The following VEPH1 variants were observed in gnomAD, a reference collection of about 807,000 sequenced individuals.
The protein encoded by VEPH1 is ventricular zone expressed PH domain containing 1.
A neutral mutation model predicts 85.2 loss-of-function variants in VEPH1; 80 were observed. That is an observed-to-expected ratio of 0.94 (90% CI 0.78 to 1.13). The LOEUF (loss-of-function observed/expected upper bound fraction) is 1.13, where lower values mean the gene tolerates loss of function less well. Ranked by LOEUF, VEPH1 falls within the 50% of genes most tolerant of loss-of-function variation. The pLI is 0.00. For missense variants in VEPH1, 955 were observed against 980.5 expected (o/e 0.97, Z 0.35); for synonymous variants, 297 against 348.0 (o/e 0.85, Z 1.63).
chr3:157,336,059 T>A (rs1722937367), intron 9 of VEPH1, among the ~76,000 whole-genome samples: 1 of 152,182 alleles, frequency 6.6e-6, no homozygotes. Flanking sequence ...CTTCCTTACA[T>A]GATAGCTCCT....
At chr3:157,492,447 A>G (rs1368330529) in intron 2 of VEPH1, among the ~76,000 whole-genome samples, 1 of 152,144 alleles carries the variant, frequency 6.6e-6, no homozygotes, top group African/African-American at 2.4e-5. Flanking sequence ...CTGACAGTTG[A>G]TGGCTACAAC....
At chr3:157,367,660 T>C (rs1032442826) in intron 7 of VEPH1, among the ~76,000 whole-genome samples, 1 of 152,196 alleles carries the variant, frequency 6.6e-6, no homozygotes. Flanking sequence ...GAGCATTATA[T>C]AAATGTTTTA....
At chr3:157,422,551 G>A (rs1336025871) in intron 5 of VEPH1, among the ~76,000 whole-genome samples, 1 of 152,132 alleles carries the variant, frequency 6.6e-6, no homozygotes, top group East Asian at 1.9e-4. Context: ...AGTGGAAGTG[G>A]AAGCTGCCCA....
At chr3:157,298,877 C>G (rs970767672) in intron 11 of VEPH1, among the ~76,000 whole-genome samples, 2 of 152,112 alleles carry the variant, frequency 1.3e-5, no homozygotes, top group African/African-American at 4.8e-5. Flanking sequence ...AACATTTTTC[C>G]AATCCACATG....
In VEPH1 at chr3:157,286,678, T is replaced by C; in HGVS notation, c.2011-4A>G. 6.2e-7 allele frequency: 1 copy of C among 1,611,802 alleles called. No homozygotes were observed. Among genetic ancestry groups the C allele is most frequent in the Non-Finnish European group, 8.5e-7 (1 of 1,177,950 alleles). Reference sequence around the variant, plus strand: ...GGAGCTGTACCTGGTCCAGATCCTGTGTCAGGAACACAAAGCACAAAGAAC... The same window carrying C: ...GGAGCTGTACCTGGTCCAGATCCTGCGTCAGGAACACAAAGCACAAAGAAC... On this transcript the variant is annotated splice_polypyrimidine_tract_variant and splice_region_variant and intron_variant, in intron 11 of 13. Coordinates refer to ENST00000362010, the MANE Select transcript of VEPH1 (RefSeq NM_001167912.2).
chr3:157,287,150 A>G (rs1299102777), intron 11 of VEPH1, among the ~76,000 whole-genome samples: 2 of 152,182 alleles, frequency 1.3e-5, no homozygotes, highest in African/African-American at 4.8e-5. Flanking sequence ...AGGCAGGCAG[A>G]TTGCCTGAAC....
intron 11 of VEPH1, among the ~76,000 whole-genome samples, chr3:157,311,591 A>T (rs995876070): frequency 6.6e-6 from 1 of 152,208 alleles, no homozygotes; most frequent in Non-Finnish European, 1.5e-5. Context: ...ACTTTAAAAA[A>T]TTTTATATTT....
chr3:157,444,924 A>T (rs1734427359), intron 4 of VEPH1, among the ~76,000 whole-genome samples: 1 of 152,212 alleles, frequency 6.6e-6, no homozygotes, highest in Non-Finnish European at 1.5e-5. Flanking sequence ...TTGTTCCCAG[A>T]TATTCATTTT....
intron 4 of VEPH1, among the ~76,000 whole-genome samples, chr3:157,435,798 G>T (rs1733526723): frequency 6.6e-6 from 1 of 152,176 alleles, no homozygotes; most frequent in Non-Finnish European, 1.5e-5. Flanking sequence ...TGTATATATT[G>T]TTAGAAGCAG....
chr3:157,288,501 A>T (rs1042716808), intron 11 of VEPH1, among the ~76,000 whole-genome samples: 1 of 150,300 alleles, frequency 6.7e-6, no homozygotes, highest in African/African-American at 2.5e-5. Flanking sequence ...ACAGAAACAT[A>T]TTTTTTTTTT....
chr3:157,322,882 A>C (rs1448784552), intron 9 of VEPH1, among the ~76,000 whole-genome samples: 1 of 152,248 alleles, frequency 6.6e-6, no homozygotes, highest in Non-Finnish European at 1.5e-5. Flanking sequence ...CAGGAAAAAA[A>C]AGTAGAAGAA....
chr3:157,292,872 A>T (rs1293018854), intron 11 of VEPH1, among the ~76,000 whole-genome samples: 1 of 149,978 alleles, frequency 6.7e-6, no homozygotes, highest in Non-Finnish European at 1.5e-5. Flanking sequence ...AATGCCAGCT[A>T]CTTGGGAGGC....
chr3:157,371,485 TG>T (rs2108813391), intron 7 of VEPH1, among the ~76,000 whole-genome samples: 1 of 152,262 alleles, frequency 6.6e-6, no homozygotes, highest in Non-Finnish European at 1.5e-5. Context: ...CTACTCAAAG[TG>T]AGATCCCTGG....
chr3:157,361,957 C>T (rs904005109), intron 9 of VEPH1, among the ~76,000 whole-genome samples: 1 of 152,098 alleles, frequency 6.6e-6, no homozygotes, highest in African/African-American at 2.4e-5. Context: ...GCCTTACGTT[C>T]CACTATGACT....
intron 11 of VEPH1, among the ~76,000 whole-genome samples, chr3:157,297,652 T>G (rs1202879927): frequency 1.3e-5 from 2 of 151,970 alleles, no homozygotes; most frequent in African/African-American, 2.4e-5. Context: ...GGAGCTAATA[T>G]GTGCATGATG....
At chr3:157,399,690 A>T (rs1730671327) in intron 6 of VEPH1, among the ~76,000 whole-genome samples, 1 of 152,202 alleles carries the variant, frequency 6.6e-6, no homozygotes, top group African/African-American at 2.4e-5. Flanking sequence ...TTAAAATATT[A>T]GCATAAAATA....
rs115506883 is a variant in VEPH1, at chr3:157,490,832, G to A, written c.138+4380C>T. On this transcript the variant is annotated intron_variant, in intron 2 of 13. Transcript: ENST00000362010. ...ACTTTAGAAATAATTGGCCAAAATT[G>A]CCAATTACAACAATGTTTACTGTAG... 5.5e-3 allele frequency among the ~76,000 whole-genome samples: 835 copies of A among 152,174 alleles called. 8 individuals are homozygous for A. Among genetic ancestry groups the A allele is most frequent in the African/African-American group, 0.019 (800 of 41,516 alleles).
At chr3:157,277,365 T>A (rs966117092) in intron 12 of VEPH1, among the ~76,000 whole-genome samples, 1 of 152,182 alleles carries the variant, frequency 6.6e-6, no homozygotes, top group Non-Finnish European at 1.5e-5. Context: ...CTGCAGATTG[T>A]AGAGTTTGCC....
chr3:157,314,330 C>CAAAAAAAAAAAAAAAAAAAA (rs34703314), intron 10 of VEPH1, among the ~76,000 whole-genome samples: 3 of 43,202 alleles, frequency 6.9e-5, no homozygotes, highest in Non-Finnish European at 1.3e-4. Context: ...GAGGATCCGT[C>CAAAAAAAAAAAAAAAAAAAA]AAAAAAAAAA....
Sources: allele counts gnomAD v4.1 joint callset (sites outside exome capture counted in the v4.1 genomes callset), GRCh38; gene constraint gnomAD v4.1.1; transcripts MANE v1.5; gene names NCBI Gene and HGNC (gene_info 2026-07-23, HGNC 2026-07-21).